TYW1B: variants seen among roughly 807,000 people sequenced by gnomAD.
TYW1B encodes the protein S-adenosyl-L-methionine-dependent tRNA 4-demethylwyosine synthase TYW1B.
A neutral mutation model predicts 86.9 loss-of-function variants in TYW1B; 73 were observed. The ratio of observed to expected loss-of-function variants is 0.84; its 90% confidence interval spans 0.70 to 1.02. The LOEUF (loss-of-function observed/expected upper bound fraction) is 1.02, where lower values mean the gene tolerates loss of function less well. Ranked by LOEUF, TYW1B falls within the 50% of genes least tolerant of loss-of-function variation. The pLI, the probability that TYW1B is intolerant of heterozygous loss-of-function variation, is 0.00. For missense variants in TYW1B, 637 were observed against 827.4 expected, an observed-to-expected ratio of 0.77 and a Z score of 2.82; for synonymous variants, 248 against 292.8, an observed-to-expected ratio of 0.85 and a Z score of 1.56.
chr7:72,666,551 A>G (rs1813467134), intron 11 of TYW1B, among the ~76,000 whole-genome samples: 1 of 152,172 alleles, frequency 6.6e-6, no homozygotes, highest in Non-Finnish European at 1.5e-5. Context: ...GGAAATATAT[A>G]CCCAATACAT....
chr7:72,582,997 G>A (rs1811193513), intron 13 of TYW1B, among the ~76,000 whole-genome samples: 1 of 152,138 alleles, frequency 6.6e-6, no homozygotes, highest in South Asian at 2.1e-4. Context: ...AGGAGGGTGG[G>A]GGAATGGGAA....
At chr7:72,687,807 G>T (rs781991426) in intron 11 of TYW1B, among the ~76,000 whole-genome samples, 2 of 152,016 alleles carry the variant, frequency 1.3e-5, no homozygotes, top group Admixed American at 6.6e-5. Context: ...TGTAATCCCA[G>T]CATTTTGGGA....
intron 11 of TYW1B, among the ~76,000 whole-genome samples, chr7:72,672,473 A>ACACAC (rs1813630351): frequency 1.1e-4 from 16 of 140,882 alleles, no homozygotes; most frequent in South Asian, 2.4e-4. Context: ...TACACACACA[A>ACACAC]ACACACACAC....
At chr7:72,623,673 G>A (rs1423152156) in intron 12 of TYW1B, among the ~76,000 whole-genome samples, 12 of 152,030 alleles carry the variant, frequency 7.9e-5, no homozygotes, top group Non-Finnish European at 1.6e-4. Flanking sequence ...CTTCCCAAAC[G>A]TATGGTTTTC....
At chr7:72,642,787 G>A (rs1812833777) in intron 11 of TYW1B, among the ~76,000 whole-genome samples, 1 of 152,136 alleles carries the variant, frequency 6.6e-6, no homozygotes, top group Non-Finnish European at 1.5e-5. Context: ...TGTAGTCCCA[G>A]CTACTCAGGA....
intron 13 of TYW1B, among the ~76,000 whole-genome samples, chr7:72,576,848 CG>C (rs1292246933): frequency 6.6e-6 from 1 of 151,758 alleles, no homozygotes; most frequent in Non-Finnish European, 1.5e-5. Context: ...GACTAATGGC[CG>C]GGCATGGTGG....
intron 9 of TYW1B, among the ~76,000 whole-genome samples, chr7:72,722,064 AC>A (rs1273525845): frequency 1.3e-5 from 2 of 152,128 alleles, no homozygotes; most frequent in East Asian, 3.8e-4. Context: ...CTTCCCAACA[AC>A]CTGTCCTGAC....
intron 11 of TYW1B, among the ~76,000 whole-genome samples, chr7:72,671,847 CTT>C (rs34112293): frequency 0.75 from 109,170 of 145,184 alleles, 41,529 homozygotes; most frequent in Middle Eastern, 0.84. Context: ...TTTAAAAAGT[CTT>C]TTTTTTTTTT....
intron 11 of TYW1B, among the ~76,000 whole-genome samples, chr7:72,632,688 T>TAA (rs1174722717): frequency 2.7e-5 from 4 of 148,972 alleles, no homozygotes; most frequent in African/African-American, 5.0e-5. Flanking sequence ...ACAGTAACCA[T>TAA]AAAAATAATA....
chr7:72,804,021 A>G (rs2129572534), intron 5 of TYW1B, among the ~76,000 whole-genome samples: 2 of 151,810 alleles, frequency 1.3e-5, no homozygotes, highest in South Asian at 4.2e-4. Context: ...ACAGTGGCTC[A>G]CTCCTGTAAT....
intron 13 of TYW1B, among the ~76,000 whole-genome samples, chr7:72,589,598 C>T (rs148628430): frequency 0.01 from 1,557 of 152,184 alleles, 29 homozygotes; most frequent in African/African-American, 0.036. Flanking sequence ...AAGTATCGGC[C>T]GGGCATGGTG....
intron 10 of TYW1B, among the ~76,000 whole-genome samples, chr7:72,712,406 G>A (rs1362348388): frequency 2.6e-5 from 4 of 151,958 alleles, no homozygotes; most frequent in Non-Finnish European, 4.4e-5. Flanking sequence ...TCGGCTCACC[G>A]AAACCTCCGC....
intron 7 of TYW1B, among the ~76,000 whole-genome samples, chr7:72,767,541 C>T (rs1247948842): frequency 1.3e-5 from 2 of 151,860 alleles, no homozygotes; most frequent in Non-Finnish European, 2.9e-5. Flanking sequence ...ACCTGGGAGG[C>T]GGAGCCTGCA....
chr7:72,738,908 CAAA>C (rs1304858653), intron 8 of TYW1B, among the ~76,000 whole-genome samples: 2 of 146,886 alleles, frequency 1.4e-5, no homozygotes, highest in Non-Finnish European at 1.5e-5. Context: ...CTGTCTCTAT[CAAA>C]AAAAAAAAAA....
At chr7:72,692,885 C>T (rs554015860) in intron 11 of TYW1B, among the ~76,000 whole-genome samples, 1 of 152,042 alleles carries the variant, frequency 6.6e-6, no homozygotes, top group African/African-American at 2.4e-5. Context: ...GAAGCATGGC[C>T]CTCCTGGGGA....
intron 13 of TYW1B, among the ~76,000 whole-genome samples, chr7:72,595,656 C>CT (rs1448280965): frequency 1.1e-4 from 17 of 151,948 alleles, no homozygotes; most frequent in African/African-American, 4.1e-4. Flanking sequence ...GCACTAGAGC[C>CT]TGAGCAACAG....
At chr7:72,695,455 T>C (rs1554451296) in intron 10 of TYW1B, among the ~76,000 whole-genome samples, 1 of 152,008 alleles carries the variant, frequency 6.6e-6, no homozygotes. Flanking sequence ...AAGAAAAAAA[T>C]GAATTCTTAT....
chr7:72,803,043 C>A (rs569295235), intron 5 of TYW1B, among the ~76,000 whole-genome samples: 1 of 152,184 alleles, frequency 6.6e-6, no homozygotes, highest in East Asian at 1.9e-4. Context: ...TGAAACCAGC[C>A]TGGGGAACAT....
intron 7 of TYW1B, among the ~76,000 whole-genome samples, chr7:72,750,292 C>T (rs1310850591): frequency 6.6e-6 from 1 of 152,132 alleles, no homozygotes; most frequent in Admixed American, 6.6e-5. Flanking sequence ...TCTGATAATG[C>T]CATTATTCAT....
Sources: allele counts gnomAD v4.1 joint callset (sites outside exome capture counted in the v4.1 genomes callset), GRCh38; gene constraint gnomAD v4.1.1; transcripts MANE v1.5; gene names NCBI Gene and HGNC (gene_info 2026-07-23, HGNC 2026-07-21).